Variants in CA13 observed in about 807,000 individuals in gnomAD.
The protein encoded by CA13 is CA-XIII.
A neutral mutation model predicts 31.5 loss-of-function variants in CA13; 21 were observed. The observed-to-expected ratio is 0.67, with a 90% CI of 0.47 to 0.96. CA13 has a LOEUF of 0.96. CA13 is among the 40% of genes least tolerant of loss of function. The pLI is 0.00. For synonymous variants in CA13, 117 were observed against 111.4 expected (o/e 1.05, Z -0.32); for missense variants, 315 against 318.9 (o/e 0.99, Z 0.09).
At chr8:85,251,786 T>C (rs1420376052) in intron 2 of CA13, among the ~76,000 whole-genome samples, 1 of 152,204 alleles carries the variant, frequency 6.6e-6, no homozygotes. Context: ...AAGTAACTAA[T>C]GTTATTTCTT....
chr8:85,261,704 G>A (rs1164065275), intron 3 of CA13, among the ~76,000 whole-genome samples: 1 of 152,110 alleles, frequency 6.6e-6, no homozygotes, highest in Non-Finnish European at 1.5e-5. Context: ...AGGATTACAG[G>A]CGTGAGCCAC....
rs1807719352 is a variant in CA13, at chr8:85,282,218, A to G, written c.*869A>G. 1 of 152,542 alleles carries G rather than the reference A, an allele frequency of 6.6e-6. No homozygotes were observed. The highest frequency in any genetic ancestry group is 2.4e-5 in the African/African-American group (1 of 41,454). 9.4% of individuals were successfully genotyped at this position (152,542 alleles called of 1,614,324 possible). A position where few individuals can be genotyped will look rare whatever the true frequency, so the allele number is the denominator to read the frequency against. ...ATGAACAATATAAGAGTTAAGGGCAATGGGATAAAGCTACTTAATGTGTCT... is the reference window on the plus strand; with the variant it reads ...ATGAACAATATAAGAGTTAAGGGCAGTGGGATAAAGCTACTTAATGTGTCT... On this transcript the variant is annotated 3_prime_UTR_variant, in exon 7 of 7. Coordinates refer to ENST00000321764, the MANE Select transcript of CA13 (RefSeq NM_198584.3).
intron 2 of CA13, among the ~76,000 whole-genome samples, chr8:85,252,688 T>A (rs952458778): frequency 1.3e-5 from 2 of 152,236 alleles, no homozygotes; most frequent in African/African-American, 4.8e-5. Context: ...GAAACACTTT[T>A]TAGGGCCTCT....
chr8:85,270,403 A>G (rs376901690), intron 6 of CA13, among the ~76,000 whole-genome samples: 11 of 152,172 alleles, frequency 7.2e-5, no homozygotes, highest in Admixed American at 6.5e-5. Flanking sequence ...ATAATAACCT[A>G]GTGTATACTT....
intron 3 of CA13, among the ~76,000 whole-genome samples, chr8:85,263,634 G>A (rs1286832058): frequency 1.3e-5 from 2 of 152,200 alleles, no homozygotes; most frequent in African/African-American, 4.8e-5. Flanking sequence ...TTCGATGTAA[G>A]CATATTGGAG....
chr8:85,250,886 A>AT lies in CA13; in HGVS notation c.184_185insT (p.Asn62IlefsTer9). 5.6e-6 allele frequency: 9 copies of AT among 1,614,150 alleles called. No individual in the cohort carries two copies. The highest frequency in any genetic ancestry group is 7.6e-6 in the Non-Finnish European group (9 of 1,180,028). On this transcript the variant is annotated frameshift_variant, in exon 2 of 7. Transcript: ENST00000321764. LOFTEE classifies it high-confidence loss of function. The stretch of plus-strand genomic sequence containing the variant: ...CCCAAGCTCAGCTAAAATCATCAGC[A>AT]ACAGCGGCCATTCCTTCAATGTTGA...
intron 2 of CA13, among the ~76,000 whole-genome samples, chr8:85,257,313 G>A (rs1587536980): frequency 6.6e-6 from 1 of 152,194 alleles, no homozygotes; most frequent in Non-Finnish European, 1.5e-5. Context: ...TTAGCAGAGA[G>A]TAAATGCGTG....
chr8:85,265,249 C>T (rs1807440562), intron 3 of CA13, among the ~76,000 whole-genome samples: 1 of 152,174 alleles, frequency 6.6e-6, no homozygotes, highest in Admixed American at 6.5e-5. Context: ...CATATCAGGT[C>T]CTTGGACACC....
In CA13 at chr8:85,246,565, A is replaced by G. The variant is rs73688689; in HGVS notation, c.37+700A>G. Reference sequence around the variant, plus strand: ...GTGAGCAAAGGATTACTGAAATTATAATTCATTGATAGAAATGTATTAATA... The same window carrying G: ...GTGAGCAAAGGATTACTGAAATTATGATTCATTGATAGAAATGTATTAATA... On this transcript the variant is annotated intron_variant, in intron 1 of 6. Coordinates refer to ENST00000321764, the MANE Select transcript of CA13 (RefSeq NM_198584.3). 1,549 of 453,750 alleles carry G rather than the reference A, an allele frequency of 3.4e-3. 17 individuals are homozygous for G. Among genetic ancestry groups the G allele is most frequent in the African/African-American group, 0.028 (1,402 of 50,134 alleles). 28.1% of individuals were successfully genotyped at this position (453,750 alleles called of 1,614,324 possible).
Position 85,281,544 on chromosome 8 carries a change from A to G in CA13, c.*195A>G. 1 of 1,249,506 alleles carries G rather than the reference A, an allele frequency of 8.0e-7. No homozygotes were observed. The highest frequency in any genetic ancestry group is 1.0e-6 in the Non-Finnish European group (1 of 980,830). The allele number at this position is 1,249,506 out of a possible 1,614,324, so 77.4% of individuals were successfully genotyped here. On this transcript the variant is annotated 3_prime_UTR_variant, in exon 7 of 7. Transcript: ENST00000321764. ...TTATTTTTTTTAGTGATAGAGTCTC[A>G]CTCTGTCACCCAGGCTGGAGGGCAG... is the stretch of plus-strand genomic sequence containing the variant.
At chr8:85,261,570 G>A (rs1255120019) in intron 3 of CA13, among the ~76,000 whole-genome samples, 3 of 151,932 alleles carry the variant, frequency 2.0e-5, no homozygotes, top group Non-Finnish European at 4.4e-5. Flanking sequence ...GGGATTACAG[G>A]CATGCGCCAC....
intron 6 of CA13, among the ~76,000 whole-genome samples, chr8:85,274,207 C>T (rs1359807751): frequency 6.6e-6 from 1 of 152,106 alleles, no homozygotes; most frequent in Non-Finnish European, 1.5e-5. Context: ...ATGACTTTCT[C>T]AATAACTACT....
At chr8:85,265,294 G>A (rs554329736) in intron 3 of CA13, among the ~76,000 whole-genome samples, 27 of 152,296 alleles carry the variant, frequency 1.8e-4, no homozygotes, top group African/African-American at 5.5e-4. Context: ...GTAGCTAAAT[G>A]TTTTAGGCAT....
At chr8:85,262,697 A>G (rs1313300506) in intron 3 of CA13, among the ~76,000 whole-genome samples, 1 of 152,198 alleles carries the variant, frequency 6.6e-6, no homozygotes, top group Non-Finnish European at 1.5e-5. Flanking sequence ...GTTTGAGAAT[A>G]GATTGGATGG....
chr8:85,250,929 A>T lies in CA13; in HGVS notation c.227A>T (p.Asn76Ile), dbSNP rs1335034377. Reference protein sequence around the residue: ...SFNVDFDDTENKSVLRGGPLT... With the variant: ...SFNVDFDDTEIKSVLRGGPLT... ...AATGTTGACTTTGATGACACAGAGA[A>T]CAAATCAGGTTGGCTTTTCTTTTTT... The change falls in exon 2 of 7, where the codon AAC (asparagine) becomes ATC (isoleucine). Residue 76 changes from asparagine to isoleucine, a missense_variant. Asn to Ile is a moderately radical substitution (Grantham distance 149). Coordinates refer to ENST00000321764, the MANE Select transcript of CA13 (RefSeq NM_198584.3). The T allele has an allele frequency of 3.7e-6, 6 of 1,613,776 alleles. No homozygotes were observed. The highest frequency in any genetic ancestry group is 5.1e-6 in the Non-Finnish European group (6 of 1,179,844).
At chr8:85,260,824 C>T (rs76135104) in intron 3 of CA13, among the ~76,000 whole-genome samples, 20 of 152,292 alleles carry the variant, frequency 1.3e-4, no homozygotes, top group Admixed American at 6.5e-5. Flanking sequence ...ATGTCCAAAG[C>T]GCCCTCGGAA....
intron 1 of CA13, among the ~76,000 whole-genome samples, chr8:85,248,463 A>G (rs1289013985): frequency 1.3e-5 from 2 of 151,686 alleles, no homozygotes; most frequent in Non-Finnish European, 2.9e-5. Flanking sequence ...GTCTCAAAAA[A>G]AAAAAAAAAA....
chr8:85,275,977 TTCA>T (rs1807597241), intron 6 of CA13, among the ~76,000 whole-genome samples: 1 of 152,212 alleles, frequency 6.6e-6, no homozygotes, highest in Non-Finnish European at 1.5e-5. Context: ...TGAGGAGCCC[TTCA>T]GCCCGCCGCT....
intron 6 of CA13, among the ~76,000 whole-genome samples, chr8:85,271,913 A>G (rs1343953624): frequency 1.3e-5 from 2 of 152,080 alleles, no homozygotes; most frequent in African/African-American, 4.8e-5. Flanking sequence ...TACTAAAAAT[A>G]CAAAAATTAG....
Sources: gnomAD v4.1 joint callset for allele counts (sites outside exome capture counted in the v4.1 genomes callset) on GRCh38, gnomAD v4.1.1 for gene constraint, MANE v1.5 for transcripts, NCBI Gene and HGNC (gene_info 2026-07-23, HGNC 2026-07-21) for gene names.